The following MGAT4C variants were observed in gnomAD, a reference collection of about 807,000 sequenced individuals.
The protein encoded by MGAT4C is MGAT4 family member C.
MGAT4C carries 19 observed loss-of-function variants against 40.1 expected under a neutral mutation model. The ratio of observed to expected loss-of-function variants is 0.47; its 90% CI spans 0.33 to 0.70. The LOEUF is 0.70. MGAT4C is among the 30% of genes least tolerant of loss of function. The pLI is 0.02. For synonymous variants in MGAT4C, 181 were observed against 187.1 expected, an observed-to-expected ratio of 0.97 and a Z score of 0.27; for missense variants, 491 against 563.2, an observed-to-expected ratio of 0.87 and a Z score of 1.30.
chr12:86,674,705 A>G (rs977319263), intron 2 of MGAT4C, among the ~76,000 whole-genome samples: 1 of 152,144 alleles, frequency 6.6e-6, no homozygotes, highest in African/African-American at 2.4e-5. Flanking sequence ...TCAAAAAAAT[A>G]AAAATAATAA....
intron 1 of MGAT4C, among the ~76,000 whole-genome samples, chr12:86,051,112 A>G (rs2136968062): frequency 6.6e-6 from 1 of 152,156 alleles, no homozygotes; most frequent in African/African-American, 2.4e-5. Flanking sequence ...CATTTGAAAC[A>G]TCGATGAAGA....
At chr12:86,235,342 T>C (rs1400547035) in intron 1 of MGAT4C, among the ~76,000 whole-genome samples, 1 of 152,076 alleles carries the variant, frequency 6.6e-6, no homozygotes, top group East Asian at 1.9e-4. Flanking sequence ...CTTCAGTCCA[T>C]CAATAATCAA....
chr12:86,308,139 C>T (rs1953985845), intron 4 of MGAT4C, among the ~76,000 whole-genome samples: 1 of 150,480 alleles, frequency 6.6e-6, no homozygotes, highest in South Asian at 2.1e-4. Context: ...TTGAAAACAT[C>T]AATTATGTTT....
chr12:86,298,394 G>T (rs183714425), intron 4 of MGAT4C, among the ~76,000 whole-genome samples: 229 of 152,220 alleles, frequency 1.5e-3, no homozygotes, highest in African/African-American at 5.4e-3. Context: ...AGCATTGGAA[G>T]TCAGGTAAAT....
chr12:86,770,861 A>T (rs1223368040), intron 1 of MGAT4C, among the ~76,000 whole-genome samples: 2 of 152,158 alleles, frequency 1.3e-5, no homozygotes, highest in African/African-American at 4.8e-5. Flanking sequence ...AAGATATATT[A>T]TTATAAATAT....
intron 1 of MGAT4C, among the ~76,000 whole-genome samples, chr12:86,201,063 C>T (rs1260339015): frequency 6.6e-6 from 1 of 152,178 alleles, no homozygotes; most frequent in Non-Finnish European, 1.5e-5. Context: ...TTGAAATACC[C>T]ACCCTGTGAT....
intron 2 of MGAT4C, among the ~76,000 whole-genome samples, chr12:86,504,841 G>A (rs1364768314): frequency 6.6e-6 from 1 of 152,004 alleles, no homozygotes; most frequent in Non-Finnish European, 1.5e-5. Context: ...TGCTCATGTT[G>A]GTGCTCAATG....
chr12:86,758,346 G>C (rs887144682), intron 1 of MGAT4C, among the ~76,000 whole-genome samples: 2 of 148,532 alleles, frequency 1.3e-5, no homozygotes, highest in Non-Finnish European at 3.0e-5. Context: ...AGAAAATAAA[G>C]CTAGGGAACA....
At chr12:86,310,942 AAAAC>A (rs915453432) in intron 4 of MGAT4C, among the ~76,000 whole-genome samples, 4 of 152,082 alleles carry the variant, frequency 2.6e-5, no homozygotes, top group Admixed American at 6.6e-5. Flanking sequence ...AACAAACAAA[AAAAC>A]AAACAAATTA....
rs149118050 is a variant in MGAT4C at position 86,571,393 on chromosome 12, A to G, written c.-228-136128T>C. On this transcript the variant is annotated intron_variant, in intron 2 of 7. Transcript: ENST00000548651. The stretch of plus-strand genomic sequence containing the variant: ...CAGTATACTATATATAGGAAGAAAG[A>G]GGTATACATAAGTGTGTATATATAT... Among the ~76,000 whole-genome samples the G allele has an allele frequency of 8.5e-3, 1,292 of 152,170 alleles. 6 individuals are homozygous for G. Among genetic ancestry groups the G allele is most frequent in the Non-Finnish European group, 0.014 (953 of 68,004 alleles).
chr12:86,827,938 A>G (rs201798948), intron 1 of MGAT4C, among the ~76,000 whole-genome samples: 2 of 151,570 alleles, frequency 1.3e-5, no homozygotes, highest in East Asian at 3.9e-4. Context: ...AACCCTATCA[A>G]TAAGTAGTCT....
chr12:86,712,450 A>T (rs1174944339), intron 2 of MGAT4C, among the ~76,000 whole-genome samples: 1 of 152,132 alleles, frequency 6.6e-6, no homozygotes, highest in Non-Finnish European at 1.5e-5. Flanking sequence ...AAACTCAAAA[A>T]ACGTGGGGAA....
Position 86,037,026 on chromosome 12 carries a change from A to G in MGAT4C, c.-7+12648T>C, listed in dbSNP as rs1261485809. Among the ~76,000 whole-genome samples, 5 of 150,064 alleles carry G rather than the reference A, an allele frequency of 3.3e-5. 1 individual carries two copies. The highest frequency in any genetic ancestry group is 7.5e-5 in the Non-Finnish European group (5 of 66,962). ...TCCTGGTTTAGTATTGGGAGGGTGT[A>G]TGTGTCCAGGAACTTATCCATTTCT... On this transcript the variant is annotated intron_variant, in intron 2 of 4. Transcript: ENST00000611864.
At chr12:86,272,499 TAA>T (rs1460642819) in intron 4 of MGAT4C, among the ~76,000 whole-genome samples, 1 of 152,186 alleles carries the variant, frequency 6.6e-6, no homozygotes, top group Non-Finnish European at 1.5e-5. Context: ...CTAGGATACC[TAA>T]GAGAGATTTT....
chr12:86,510,045 C>G (rs1345698558), intron 2 of MGAT4C, among the ~76,000 whole-genome samples: 3 of 152,098 alleles, frequency 2.0e-5, no homozygotes, highest in Non-Finnish European at 4.4e-5. Context: ...TGATTGAATA[C>G]CCTTTATTTC....
At chr12:86,207,239 C>T (rs1312150477) in intron 1 of MGAT4C, among the ~76,000 whole-genome samples, 3 of 151,796 alleles carry the variant, frequency 2.0e-5, no homozygotes, top group Non-Finnish European at 4.4e-5. Flanking sequence ...TCGCATGCAT[C>T]AAATGCCAAA....
intron 1 of MGAT4C, among the ~76,000 whole-genome samples, chr12:86,833,516 C>T (rs1019037802): frequency 5.9e-5 from 9 of 151,910 alleles, no homozygotes; most frequent in Admixed American, 1.3e-4. Flanking sequence ...TGTAGATGTC[C>T]GTCTTCTCCC....
chr12:85,995,141 C>T (rs1297004366), intron 2 of MGAT4C, among the ~76,000 whole-genome samples: 3 of 152,032 alleles, frequency 2.0e-5, no homozygotes, highest in Admixed American at 6.6e-5. Context: ...GGGCAATATC[C>T]CCAAGTGAAG....
chr12:86,144,363 T>C (rs1480062209), intron 1 of MGAT4C, among the ~76,000 whole-genome samples: 2 of 152,210 alleles, frequency 1.3e-5, no homozygotes, highest in Non-Finnish European at 2.9e-5. Context: ...TAATTGAAAC[T>C]ACATTGCTAG....
Sources: gnomAD v4.1 joint callset for allele counts (sites outside exome capture counted in the v4.1 genomes callset) on GRCh38, gnomAD v4.1.1 for gene constraint, MANE v1.5 for transcripts, NCBI Gene and HGNC (gene_info 2026-07-23, HGNC 2026-07-21) for gene names.